PPEF1: variants seen among roughly 807,000 people sequenced by gnomAD.
PPEF1 encodes serine/threonine-protein phosphatase with EF-hands 1.
PPEF1 carries 12 observed loss-of-function variants against 53.3 expected under a neutral mutation model. The ratio of observed to expected loss-of-function variants is 0.23; its 90% CI spans 0.14 to 0.36. The LOEUF is 0.36. Ranked by LOEUF, PPEF1 falls within the 10% of genes least tolerant of loss-of-function variation. PPEF1 has a pLI of 1.00. For synonymous variants in PPEF1, 165 were observed against 176.7 expected, an observed-to-expected ratio of 0.93 and a Z score of 0.52; for missense variants, 334 against 490.4, an observed-to-expected ratio of 0.68 and a Z score of 3.01.
intron 12 of PPEF1, among the ~76,000 whole-genome samples, chrX:18,816,589 A>G (rs1476322714): frequency 9.0e-6 from 1 of 111,044 alleles, no homozygotes; most frequent in East Asian, 2.8e-4. Flanking sequence ...TTCCATGTTG[A>G]TTTTCCACCT....
At chrX:18,698,809 G>A (rs752465235) in intron 5 of PPEF1, among the ~76,000 whole-genome samples, 1 of 111,658 alleles carries the variant, frequency 9.0e-6, no homozygotes, top group South Asian at 3.8e-4. Context: ...CACACAACTG[G>A]GGATGCCAAG....
intron 9 of PPEF1, among the ~76,000 whole-genome samples, chrX:18,786,420 G>A (rs777121983): frequency 1.8e-5 from 2 of 111,591 alleles, no homozygotes; most frequent in Non-Finnish European, 3.8e-5. Flanking sequence ...GTTTCCACAC[G>A]TATAAACTGA....
At chrX:18,824,514 C>T (rs998807650) in intron 14 of PPEF1, among the ~76,000 whole-genome samples, 11 of 111,363 alleles carry the variant, frequency 9.9e-5, no homozygotes, top group African/African-American at 3.6e-4. Context: ...AGGGGAATCT[C>T]CCAGGTACAC....
rs904945280 is a variant in PPEF1 at position 18,788,098 on chromosome X, C to T, written c.913-1023C>T. 6.3e-5 allele frequency among the ~76,000 whole-genome samples: 7 copies of T among 111,334 alleles called. No individual in the cohort carries two copies. In the East Asian group the frequency reaches 8.6e-4, roughly 14 times the overall value. On this transcript the variant is annotated intron_variant, in intron 9 of 15. Transcript: ENST00000470157. ...TTGGGAGGCCAAGGCGGGCGGATCA[C>T]GAGGTCAGGAGATCAAGACCATCCT...
At chrX:18,791,847 G>A (rs185703727) in intron 10 of PPEF1, among the ~76,000 whole-genome samples, 1 of 112,057 alleles carries the variant, frequency 8.9e-6, no homozygotes, top group Non-Finnish European at 1.9e-5. Flanking sequence ...TTACATTGAG[G>A]AAGTTTCTTT....
intron 11 of PPEF1, among the ~76,000 whole-genome samples, chrX:18,806,017 C>A (rs1457810078): frequency 9.1e-6 from 1 of 109,756 alleles, no homozygotes; most frequent in East Asian, 2.9e-4. Flanking sequence ...AAGAAAAAAA[C>A]CGAAGTACCA....
At chrX:18,729,491 T>C (rs774810697) in intron 1 of PPEF1, among the ~76,000 whole-genome samples, 1 of 112,265 alleles carries the variant, frequency 8.9e-6, no homozygotes, top group East Asian at 2.8e-4. Flanking sequence ...TTTCATTCTG[T>C]CTCTGACTTT....
chrX:18,723,146 G>A (rs900827004), intron 1 of PPEF1, among the ~76,000 whole-genome samples: 2 of 110,590 alleles, frequency 1.8e-5, no homozygotes, highest in Admixed American at 9.7e-5. Flanking sequence ...CACCATGCCC[G>A]GCTAATTTTT....
At chrX:18,813,766 AAG>A (rs1354560316) in intron 12 of PPEF1, among the ~76,000 whole-genome samples, 1 of 112,093 alleles carries the variant, frequency 8.9e-6, no homozygotes, top group Non-Finnish European at 1.9e-5. Context: ...TTTATCATGA[AAG>A]AGTGTTGAAT....
chrX:18,697,676 T>C (rs1339679346), intron 4 of PPEF1, among the ~76,000 whole-genome samples: 1 of 111,846 alleles, frequency 8.9e-6, no homozygotes, highest in Admixed American at 9.5e-5. Context: ...TGCCTGGCAC[T>C]GTTTTAAGAA....
At chrX:18,816,597 C>A (rs750366521) in intron 12 of PPEF1, among the ~76,000 whole-genome samples, 2 of 111,513 alleles carry the variant, frequency 1.8e-5, no homozygotes, top group East Asian at 5.6e-4. Flanking sequence ...TGATTTTCCA[C>A]CTAGTTGTTT....
intron 6 of PPEF1, among the ~76,000 whole-genome samples, chrX:18,778,643 G>T (rs1434964533): frequency 9.0e-6 from 1 of 111,539 alleles, no homozygotes; most frequent in East Asian, 2.8e-4. Context: ...GTAGTTTGGT[G>T]GTCTTCCTTG....
chrX:18,725,175 C>T (rs1362193513), intron 1 of PPEF1, among the ~76,000 whole-genome samples: 1 of 111,106 alleles, frequency 9.0e-6, no homozygotes, highest in African/African-American at 3.3e-5. Flanking sequence ...GAGATGAGCT[C>T]ATCGGGCAGG....
upstream of PPEF1, among the ~76,000 whole-genome samples, chrX:18,675,412 CG>C (rs756823271): frequency 6.2e-4 from 71 of 113,605 alleles, no homozygotes; most frequent in Non-Finnish European, 9.8e-4. Context: ...TCGCCGCTTG[CG>C]GCGGCGTGGA....
intron 5 of PPEF1, among the ~76,000 whole-genome samples, chrX:18,760,740 T>A (rs1381964115): frequency 9.5e-6 from 1 of 105,340 alleles, no homozygotes; most frequent in Non-Finnish European, 1.9e-5. Flanking sequence ...GCCTCCTGAG[T>A]AGCTAGGATC....
In PPEF1 at chrX:18,804,434, G is replaced by A. The variant is rs1005028094; in HGVS notation, c.1251+357G>A. On this transcript the variant is annotated intron_variant, in intron 11 of 15. Transcript: ENST00000470157. The stretch of plus-strand genomic sequence containing the variant: ...TGATTCTCGTGCCTCAGCCACCCAA[G>A]TAGCTGGGATTACAGGTGTGCGCCA... Among the ~76,000 whole-genome samples the A allele has an allele frequency of 5.5e-5, 6 of 110,014 alleles. No individual in the cohort carries two copies. In the East Asian group the frequency reaches 1.7e-3, roughly 32 times the overall value.
At chrX:18,823,139 G>T (rs1299957734) in intron 13 of PPEF1, among the ~76,000 whole-genome samples, 1 of 111,156 alleles carries the variant, frequency 9.0e-6, no homozygotes, top group African/African-American at 3.3e-5. Context: ...GGGCAAAGGA[G>T]TCTTTTCAAT....
upstream of PPEF1, among the ~76,000 whole-genome samples, chrX:18,706,561 A>C (rs867487429): frequency 1.8e-5 from 2 of 110,024 alleles, no homozygotes; most frequent in African/African-American, 6.6e-5. Context: ...CCTGGCCAAC[A>C]CAGCAAAACC....
intron 10 of PPEF1, among the ~76,000 whole-genome samples, chrX:18,799,881 A>G (rs1170227192): frequency 8.9e-6 from 1 of 112,107 alleles, no homozygotes; most frequent in East Asian, 2.8e-4. Context: ...TTTCACCAAC[A>G]AATGGGCTTT....
Sources: allele counts gnomAD v4.1 joint callset (sites outside exome capture counted in the v4.1 genomes callset), GRCh38; gene constraint gnomAD v4.1.1; transcripts MANE v1.5; gene names NCBI Gene and HGNC (gene_info 2026-07-23, HGNC 2026-07-21).